The following RBFOX1 variants were observed in gnomAD, a reference collection of about 807,000 sequenced individuals.
RBFOX1 encodes RNA binding fox-1 homolog 1, also known as RNA binding protein fox-1 homolog 1.
A neutral mutation model predicts 57.7 loss-of-function variants in RBFOX1; 8 were observed. The observed-to-expected ratio is 0.14, with a 90% CI of 0.08 to 0.25. RBFOX1 has a LOEUF of 0.25. Among genes scored for constraint, RBFOX1 ranks in the 10% least tolerant of loss-of-function variants. RBFOX1 has a pLI of 1.00. For synonymous variants in RBFOX1, 326 were observed against 222.4 expected, an observed-to-expected ratio of 1.47 and a Z score of -4.15; for missense variants, 611 against 548.5, an observed-to-expected ratio of 1.11 and a Z score of -1.14.
At position 6,097,063 on chromosome 16, in the gene RBFOX1, C is replaced by T. The variant is rs926855528; in HGVS notation, c.-127+77071C>T. 6.6e-6 allele frequency among the ~76,000 whole-genome samples: 1 copy of T among 152,062 alleles called. No individual in the cohort carries two copies. Among genetic ancestry groups the T allele is most frequent in the South Asian group, 2.1e-4 (1 of 4,816 alleles). ...TAACTGAATCATGGGGGTGGTTTCC[C>T]CCATACTGTTGTCATGGTGGTGAGT... On this transcript the variant is annotated intron_variant, in intron 1 of 15. Coordinates refer to ENST00000550418, the MANE Select transcript of RBFOX1 (RefSeq NM_018723.4). The surrounding 1 kb of genome is among the most constrained non-coding windows in gnomAD (Gnocchi z 5.0).
chr16:6,998,245 A>G (rs995437962), intron 3 of RBFOX1, among the ~76,000 whole-genome samples: 2 of 152,206 alleles, frequency 1.3e-5, no homozygotes, highest in South Asian at 2.1e-4. Context: ...ATTTGTTGCT[A>G]AATATTCCTA....
intron 3 of RBFOX1, among the ~76,000 whole-genome samples, chr16:7,049,723 T>G (rs2049315980): frequency 6.6e-6 from 1 of 152,066 alleles, no homozygotes; most frequent in African/African-American, 2.4e-5. Flanking sequence ...TTTTCAGAGA[T>G]CTCAAATAGC....
At chr16:7,263,463 A>G (rs1376130695) in intron 4 of RBFOX1, among the ~76,000 whole-genome samples, 1 of 152,206 alleles carries the variant, frequency 6.6e-6, no homozygotes, top group Non-Finnish European at 1.5e-5. Flanking sequence ...GGATCCCAGA[A>G]GAGACCAATT....
chr16:5,361,096 A>G (rs994164748), intron 1 of RBFOX1, among the ~76,000 whole-genome samples: 15 of 152,188 alleles, frequency 9.9e-5, no homozygotes, highest in Admixed American at 7.2e-4. Flanking sequence ...ATCTGATTTA[A>G]TCTCTGCAAT....
At chr16:6,818,556 C>T (rs2090616759) in intron 3 of RBFOX1, among the ~76,000 whole-genome samples, 2 of 152,190 alleles carry the variant, frequency 1.3e-5, no homozygotes, top group South Asian at 4.1e-4. Context: ...AACTCTAGTT[C>T]CCTTTTTTCT....
intron 1 of RBFOX1, among the ~76,000 whole-genome samples, chr16:5,246,009 C>T (rs137894046): frequency 0.012 from 1,826 of 152,168 alleles, 20 homozygotes; most frequent in Middle Eastern, 0.088. Context: ...TTTGGGAGGC[C>T]GAGGCCGTCG....
chr16:5,265,409 A>C (rs1162565135), intron 1 of RBFOX1, among the ~76,000 whole-genome samples: 1 of 152,234 alleles, frequency 6.6e-6, no homozygotes, highest in Non-Finnish European at 1.5e-5. Context: ...TTCTGTACCA[A>C]TTATATTAAA....
chr16:7,099,405 C>G (rs576752971), intron 4 of RBFOX1, among the ~76,000 whole-genome samples: 2 of 152,186 alleles, frequency 1.3e-5, no homozygotes, highest in South Asian at 4.1e-4. Flanking sequence ...GGGGCTAATA[C>G]CAGAAGGGGA....
intron 3 of RBFOX1, among the ~76,000 whole-genome samples, chr16:6,979,181 G>A (rs1331642311): frequency 6.6e-6 from 1 of 152,206 alleles, no homozygotes; most frequent in Non-Finnish European, 1.5e-5. Flanking sequence ...TATTCAGGAA[G>A]TTGAAAGGTT....
At chr16:7,121,648 C>T (rs2067208720) in intron 4 of RBFOX1, among the ~76,000 whole-genome samples, 1 of 151,674 alleles carries the variant, frequency 6.6e-6, no homozygotes, top group Non-Finnish European at 1.5e-5. Flanking sequence ...AAGTTTAACA[C>T]AATACAAATC....
At position 7,353,406 on chromosome 16, in the gene RBFOX1, T is replaced by C. The variant is rs143767615; in HGVS notation, c.28-164741T>C. ...AGCTACTTAGAAAAATAGTTGAGTATTTTTCTTAAAAAAATTACTCAGTTA... is the reference window on the plus strand; with the variant it reads ...AGCTACTTAGAAAAATAGTTGAGTACTTTTCTTAAAAAAATTACTCAGTTA... On this transcript the variant is annotated intron_variant, in intron 4 of 15. Transcript: ENST00000550418. Among the ~76,000 whole-genome samples, 178 of 152,266 alleles carry C rather than the reference T, an allele frequency of 1.2e-3. 1 individual carries two copies. Among genetic ancestry groups the C allele is most frequent in the Middle Eastern group, 3.4e-3 (1 of 294 alleles).
At chr16:6,173,609 T>TTA (rs2096979383) in intron 1 of RBFOX1, among the ~76,000 whole-genome samples, 2 of 137,988 alleles carry the variant, frequency 1.4e-5, no homozygotes, top group South Asian at 5.1e-4. Context: ...ACTCCCTTTT[T>TTA]TTTTTTTTTT....
intron 3 of RBFOX1, among the ~76,000 whole-genome samples, chr16:7,044,677 G>C (rs190031618): frequency 1.3e-5 from 2 of 151,416 alleles, no homozygotes; most frequent in African/African-American, 4.9e-5. Flanking sequence ...AAATATATTG[G>C]TTTTGTGCAT....
intron 1 of RBFOX1, among the ~76,000 whole-genome samples, chr16:6,068,096 C>T (rs1017610154): frequency 3.5e-5 from 4 of 114,742 alleles, no homozygotes; most frequent in African/African-American, 1.3e-4. Flanking sequence ...GCTCTTCATT[C>T]ATTTTTTTGT....
intron 2 of RBFOX1, among the ~76,000 whole-genome samples, chr16:5,474,341 A>G (rs1216729781): frequency 6.6e-6 from 1 of 152,232 alleles, no homozygotes; most frequent in Non-Finnish European, 1.5e-5. Flanking sequence ...TAACTTGTTC[A>G]TTAATGTGTG....
At chr16:7,600,554 A>G (rs2094958177) in intron 9 of RBFOX1, among the ~76,000 whole-genome samples, 1 of 152,202 alleles carries the variant, frequency 6.6e-6, no homozygotes, top group Admixed American at 6.5e-5. Flanking sequence ...AAATTAAGCC[A>G]TCGGTGAGGT....
intron 2 of RBFOX1, among the ~76,000 whole-genome samples, chr16:5,496,942 C>T (rs940825104): frequency 2.6e-5 from 4 of 152,338 alleles, no homozygotes; most frequent in African/African-American, 9.6e-5. Flanking sequence ...ACAACATCTG[C>T]ACTAAGTGAT....
intron 1 of RBFOX1, among the ~76,000 whole-genome samples, chr16:6,275,444 C>G (rs2075701054): frequency 6.6e-6 from 1 of 152,180 alleles, no homozygotes; most frequent in African/African-American, 2.4e-5. Flanking sequence ...TTTCACACAC[C>G]TGATCTCATT....
intron 1 of RBFOX1, among the ~76,000 whole-genome samples, chr16:6,121,650 T>A (rs1312384467): frequency 6.6e-6 from 1 of 152,160 alleles, no homozygotes; most frequent in Non-Finnish European, 1.5e-5. Context: ...TCTGTTCCTC[T>A]GGGAGCTTAG....
Sources: allele counts gnomAD v4.1 joint callset (sites outside exome capture counted in the v4.1 genomes callset), GRCh38; gene constraint gnomAD v4.1.1; non-coding constraint Gnocchi (gnomAD v3.1); transcripts MANE v1.5; gene names NCBI Gene and HGNC (gene_info 2026-07-23, HGNC 2026-07-21).